The following RFPL1 variants were observed in gnomAD, a reference collection of about 807,000 sequenced individuals.
The protein encoded by RFPL1 is ret finger protein-like 1.
A neutral mutation model predicts 9.6 loss-of-function variants in RFPL1; 6 were observed. That is an observed-to-expected ratio of 0.62 (90% CI 0.34 to 1.23). The LOEUF (loss-of-function observed/expected upper bound fraction) is 1.23, where lower values mean the gene tolerates loss of function less well. RFPL1 is among the 50% of genes most tolerant of loss of function. The probability of loss-of-function intolerance (pLI) is 0.03; values close to 1 mark genes in which losing one functional copy is unlikely to be tolerated. For missense variants in RFPL1, 352 were observed against 398.4 expected (o/e 0.88, Z 0.99); for synonymous variants, 145 against 149.4 (o/e 0.97, Z 0.22).
chr22:29,407,043 C>A, the RFPL1 span, among the ~76,000 whole-genome samples: 1 of 151,494 alleles, frequency 6.6e-6, no homozygotes, highest in Non-Finnish European at 1.5e-5. Flanking sequence ...TACAACTACA[C>A]AAGTAAAGTA....
the RFPL1 span, among the ~76,000 whole-genome samples, chr22:29,396,467 G>A: frequency 1.3e-5 from 2 of 152,192 alleles, no homozygotes; most frequent in African/African-American, 4.8e-5. Context: ...ATACATTTCT[G>A]TTTATTATAA....
the RFPL1 span, among the ~76,000 whole-genome samples, chr22:29,396,671 G>T: frequency 6.6e-5 from 10 of 152,096 alleles, no homozygotes; most frequent in Non-Finnish European, 1.3e-4. Context: ...TTGGAGGGAG[G>T]TCTTACCATG....
At chr22:29,431,756 GCT>G in the RFPL1 span, among the ~76,000 whole-genome samples, 10 of 151,206 alleles carry the variant, frequency 6.6e-5, no homozygotes, top group African/African-American at 2.2e-4. Context: ...TGCGATCTCA[GCT>G]CTCTGCAACC....
At chr22:29,390,318 C>T in the RFPL1 span, among the ~76,000 whole-genome samples, 5 of 152,060 alleles carry the variant, frequency 3.3e-5, no homozygotes, top group Admixed American at 1.3e-4. Flanking sequence ...TAAGTCTCTA[C>T]GTCCTATCTA....
chr22:29,441,508 C>A lies in RFPL1; in HGVS notation c.374-34C>A, dbSNP rs1448358082. 1.9e-6 allele frequency: 3 copies of A among 1,592,486 alleles called. No homozygotes were observed. The East Asian group carries it at 6.7e-5, about 36-fold the overall frequency. ...GGAGAGGCATGGGGTTGGCTTCTGT[C>A]CATTTTCTGATCAACTTTTTTTCCT... On this transcript the variant is annotated intron_variant, in intron 1 of 1. Coordinates refer to ENST00000354373, the Ensembl canonical transcript of RFPL1.
At chr22:29,438,410 C>T (rs1223931584), upstream of RFPL1, 14 of 215,484 alleles carry the variant, frequency 6.5e-5, no homozygotes, top group Middle Eastern at 1.8e-3. Flanking sequence ...GAACTTTTGA[C>T]GACCTCAGAT....
At chr22:29,434,006 C>CAG (rs1288910574), upstream of RFPL1, among the ~76,000 whole-genome samples, 3 of 151,948 alleles carry the variant, frequency 2.0e-5, no homozygotes, top group African/African-American at 7.3e-5. Context: ...CACACTCACA[C>CAG]ACACACACAC....
chr22:29,389,579 A>G, the RFPL1 span, among the ~76,000 whole-genome samples: 1,036 of 138,862 alleles, frequency 7.5e-3, 15 homozygotes, highest in African/African-American at 0.026. Context: ...CCAGCTACTC[A>G]GGAGGCTGAG....
the RFPL1 span, among the ~76,000 whole-genome samples, chr22:29,420,642 T>G: frequency 7.0e-3 from 920 of 131,638 alleles, 53 homozygotes; most frequent in African/African-American, 0.025. Context: ...TGCTTTTTTT[T>G]TTTTTTTTTT....
At chr22:29,390,586 A>T in the RFPL1 span, among the ~76,000 whole-genome samples, 6 of 150,158 alleles carry the variant, frequency 4.0e-5, no homozygotes, top group African/African-American at 1.2e-4. Flanking sequence ...TTCCATTTTT[A>T]TTTATTTATT....
chr22:29,428,534 C>T, the RFPL1 span, among the ~76,000 whole-genome samples: 48,995 of 152,076 alleles, frequency 0.32, 9,787 homozygotes, highest in Middle Eastern at 0.52. Context: ...TGAACAGTTG[C>T]AGAATCTACA....
upstream of RFPL1, among the ~76,000 whole-genome samples, chr22:29,433,755 C>T (rs2062795353): frequency 6.6e-6 from 1 of 152,096 alleles, no homozygotes; most frequent in Admixed American, 6.6e-5. Flanking sequence ...TTAAGTCATA[C>T]CCTAGACCTG....
the RFPL1 span, among the ~76,000 whole-genome samples, chr22:29,399,994 CTTTTTTT>C: frequency 8.6e-6 from 1 of 116,276 alleles, no homozygotes; most frequent in Non-Finnish European, 1.7e-5. Context: ...CTTTTCTTTT[CTTTTTTT>C]TTTTTTTTTT....
At chr22:29,442,327 ATGGTT>A in exon 2 of RFPL1, 1 of 415,020 alleles carries the variant, frequency 2.4e-6, no homozygotes, top group Non-Finnish European at 4.3e-6. Context: ...ATTGAGTCTT[ATGGTT>A]CACATCTTGT....
the RFPL1 span, among the ~76,000 whole-genome samples, chr22:29,397,538 T>C: frequency 6.7e-6 from 1 of 148,520 alleles, no homozygotes; most frequent in Non-Finnish European, 1.5e-5. Context: ...TGCCGACCGA[T>C]GGGCCAAACA....
chr22:29,391,705 A>G, the RFPL1 span, among the ~76,000 whole-genome samples: 1 of 152,176 alleles, frequency 6.6e-6, no homozygotes, highest in African/African-American at 2.4e-5. Context: ...AGAGTTGCGT[A>G]GGCTGAGAGA....
chr22:29,409,079 A>T, the RFPL1 span, among the ~76,000 whole-genome samples: 9 of 151,972 alleles, frequency 5.9e-5, no homozygotes, highest in Admixed American at 3.9e-4. Context: ...TTTTTTTTTA[A>T]ACAGCTTTAT....
chr22:29,407,079 TTGTG>T, the RFPL1 span, among the ~76,000 whole-genome samples: 73,986 of 145,822 alleles, frequency 0.51, 21,324 homozygotes, highest in Middle Eastern at 0.68. Flanking sequence ...AGTTGTTCTT[TTGTG>T]TGTGTGTGTG....
the RFPL1 span, among the ~76,000 whole-genome samples, chr22:29,400,148 A>ACCG: frequency 6.6e-6 from 1 of 151,512 alleles, no homozygotes; most frequent in Non-Finnish European, 1.5e-5. Context: ...GGAGCCCGCC[A>ACCG]CCGCTCCCGG....
Sources: allele counts gnomAD v4.1 joint callset (sites outside exome capture counted in the v4.1 genomes callset), GRCh38; gene constraint gnomAD v4.1.1; transcripts MANE v1.5; gene names NCBI Gene and HGNC (gene_info 2026-07-23, HGNC 2026-07-21).